Variants in SHANK2 observed in about 807,000 individuals in gnomAD.
The protein encoded by SHANK2 is SH3 and multiple ankyrin repeat domains protein 2.
Under a neutral mutation model 133.7 loss-of-function variants are expected in SHANK2, and 43 were observed. The observed-to-expected ratio is 0.32, with a 90% CI of 0.25 to 0.41. The LOEUF (loss-of-function observed/expected upper bound fraction) is 0.41. Among genes scored for constraint, SHANK2 ranks in the 10% least tolerant of loss-of-function variants. SHANK2 has a pLI of 1.00. For missense variants in SHANK2, 1,994 were observed against 2,235.8 expected (o/e 0.89, Z 2.18); for synonymous variants, 1,017 against 952.8 (o/e 1.07, Z -1.24).
intron 8 of SHANK2, among the ~76,000 whole-genome samples, chr11:71,078,582 C>T (rs1013319190): frequency 2.4e-4 from 37 of 152,272 alleles, no homozygotes; most frequent in African/African-American, 6.3e-4. Context: ...ACTCAGGAAG[C>T]GGGACTCAGA....
intron 14 of SHANK2, among the ~76,000 whole-genome samples, chr11:70,755,687 C>T (rs976560801): frequency 1.3e-5 from 2 of 152,158 alleles, no homozygotes; most frequent in Non-Finnish European, 2.9e-5. Flanking sequence ...GGCTCCGCAC[C>T]CCGCGGCTGC....
chr11:70,664,830 C>T (rs1338571702), intron 15 of SHANK2, among the ~76,000 whole-genome samples: 2 of 152,206 alleles, frequency 1.3e-5, no homozygotes, highest in Non-Finnish European at 2.9e-5. Flanking sequence ...TCACACGGAG[C>T]GTGGTTCAAA....
At chr11:70,689,376 A>G (rs1356585522) in intron 15 of SHANK2, among the ~76,000 whole-genome samples, 6 of 152,214 alleles carry the variant, frequency 3.9e-5, no homozygotes, top group Non-Finnish European at 8.8e-5. Context: ...GAAGCGATGG[A>G]ATTGTCAAGG....
At chr11:71,093,056 G>A (rs937089721) in intron 7 of SHANK2, among the ~76,000 whole-genome samples, 4 of 145,672 alleles carry the variant, frequency 2.7e-5, no homozygotes, top group African/African-American at 1.0e-4. Flanking sequence ...AATAAAGGGG[G>A]GGGGGGGCAG....
At chr11:70,889,459 G>A (rs613677) in intron 11 of SHANK2, among the ~76,000 whole-genome samples, 134,270 of 152,176 alleles carry the variant, frequency 0.88, 60,810 homozygotes, top group Non-Finnish European at 0.98. Context: ...CCCGGGAACC[G>A]GGTACACAGC....
At chr11:70,799,662 C>T (rs1335752007) in intron 13 of SHANK2, among the ~76,000 whole-genome samples, 4 of 152,300 alleles carry the variant, frequency 2.6e-5, no homozygotes, top group Non-Finnish European at 5.9e-5. Context: ...AGCCAATTCC[C>T]CAGGAGAGAA....
intron 11 of SHANK2, among the ~76,000 whole-genome samples, chr11:70,855,301 G>A (rs1949152230): frequency 6.6e-6 from 1 of 152,242 alleles, no homozygotes; most frequent in South Asian, 2.1e-4. Context: ...TGAGGAGTAA[G>A]CCAGGTTTCT....
chr11:70,581,906 G>C (rs972633728), intron 17 of SHANK2, among the ~76,000 whole-genome samples: 1 of 152,222 alleles, frequency 6.6e-6, no homozygotes, highest in Non-Finnish European at 1.5e-5. Context: ...ATGTCCTGTA[G>C]AGCAAAGCTC....
intron 14 of SHANK2, among the ~76,000 whole-genome samples, chr11:70,752,422 A>T (rs1282446389): frequency 5.9e-5 from 9 of 152,138 alleles, no homozygotes; most frequent in African/African-American, 1.7e-4. Flanking sequence ...AATAATGATT[A>T]AAAAAAATCA....
At chr11:70,698,457 G>A (rs782327587) in intron 15 of SHANK2, among the ~76,000 whole-genome samples, 2 of 152,164 alleles carry the variant, frequency 1.3e-5, no homozygotes, top group Non-Finnish European at 2.9e-5. Flanking sequence ...CTCTCCCTGG[G>A]GCCACCACAC....
chr11:70,947,659 C>A (rs759274883), intron 10 of SHANK2, among the ~76,000 whole-genome samples: 3 of 152,150 alleles, frequency 2.0e-5, no homozygotes, highest in Non-Finnish European at 4.4e-5. Context: ...AGCCACTGCG[C>A]CTGGCCTGAA....
rs1185377608 is a variant in SHANK2 at position 70,882,719 on chromosome 11, C to T, written c.1174+13782G>A. Among the ~76,000 whole-genome samples, 6 of 152,288 alleles carry T rather than the reference C, an allele frequency of 3.9e-5. No individual in the cohort carries two copies. Among genetic ancestry groups the T allele is most frequent in the South Asian group, 2.1e-4 (1 of 4,822 alleles). On this transcript the variant is annotated intron_variant, in intron 11 of 25. Transcript: ENST00000601538. The surrounding 1 kb of genome is among the most constrained non-coding windows in gnomAD (Gnocchi z 4.2). ...TGATCCCCACGGCTTTGCTAAAAGG[C>T]GGCAGTGGCTTATCCTCATGTCCAC... is the stretch of plus-strand genomic sequence containing the variant.
At chr11:70,639,505 C>A (rs2061149679) in intron 17 of SHANK2, among the ~76,000 whole-genome samples, 1 of 152,186 alleles carries the variant, frequency 6.6e-6, no homozygotes, top group South Asian at 2.1e-4. Context: ...CTCCTGAAGG[C>A]CCCACCTTCT....
At chr11:70,643,496 G>A (rs1253291675) in intron 17 of SHANK2, among the ~76,000 whole-genome samples, 2 of 151,420 alleles carry the variant, frequency 1.3e-5, no homozygotes, top group African/African-American at 2.4e-5. Context: ...CCCAGGAGGC[G>A]GAGCTTGCAG....
At chr11:70,707,586 G>A (rs1945694003) in intron 14 of SHANK2, among the ~76,000 whole-genome samples, 1 of 152,024 alleles carries the variant, frequency 6.6e-6, no homozygotes, top group South Asian at 2.1e-4. Flanking sequence ...TCTCTCGCTA[G>A]CTACACAACC....
chr11:70,840,367 C>T (rs1257541967), intron 11 of SHANK2, among the ~76,000 whole-genome samples: 1 of 152,222 alleles, frequency 6.6e-6, no homozygotes. Context: ...CTCTGCCTGG[C>T]TGGGAGTCCC....
chr11:70,478,938 A>G (rs539828171), intron 25 of SHANK2, among the ~76,000 whole-genome samples: 53 of 152,328 alleles, frequency 3.5e-4, no homozygotes, highest in Non-Finnish European at 6.6e-4. Flanking sequence ...GTTCGCAGCT[A>G]AGATCAAGAA....
intron 15 of SHANK2, among the ~76,000 whole-genome samples, chr11:70,681,488 G>A (rs1945028268): frequency 6.6e-6 from 1 of 152,104 alleles, no homozygotes; most frequent in Admixed American, 6.5e-5. Flanking sequence ...AAGGCCGAAA[G>A]GTGCACATCC....
In SHANK2 at chr11:71,092,278, A is replaced by G. The variant is rs138073687; in HGVS notation, c.912+144T>C. On this transcript the variant is annotated intron_variant, in intron 8 of 25. Coordinates refer to ENST00000601538, the MANE Select transcript of SHANK2 (RefSeq NM_012309.5). The stretch of plus-strand genomic sequence containing the variant: ...CATTTTAAAATCATTTTTAATTCAC[A>G]TATTTTCAGGAACTCTGGGCAGGCC... 1.0e-5 allele frequency: 8 copies of G among 764,752 alleles called. No homozygotes were observed. In the East Asian group the frequency reaches 1.1e-4, roughly 10 times the overall value. The allele number at this position is 764,752 out of a possible 1,614,324, so 47.4% of individuals were successfully genotyped here.
Sources: gnomAD v4.1 joint callset for allele counts (sites outside exome capture counted in the v4.1 genomes callset) on GRCh38, gnomAD v4.1.1 for gene constraint, Gnocchi (gnomAD v3.1) non-coding constraint, MANE v1.5 for transcripts, NCBI Gene and HGNC (gene_info 2026-07-23, HGNC 2026-07-21) for gene names.